Variants in AP1S3 observed in about 807,000 individuals in gnomAD.
AP1S3 encodes the protein adaptor related protein complex 1 subunit sigma 3.
AP1S3 carries 10 observed loss-of-function variants against 20.9 expected under a neutral mutation model. The observed-to-expected ratio is 0.48, with a 90% CI of 0.29 to 0.81. The LOEUF is 0.81. Among genes scored for constraint, AP1S3 ranks in the 30% least tolerant of loss-of-function variants. The pLI, the probability that AP1S3 is intolerant of heterozygous loss-of-function variation, is 0.08. For synonymous variants in AP1S3, 41 were observed against 61.5 expected, an observed-to-expected ratio of 0.67 and a Z score of 1.56; for missense variants, 154 against 183.8, an observed-to-expected ratio of 0.84 and a Z score of 0.94.
intron 3 of AP1S3, among the ~76,000 whole-genome samples, chr2:223,771,844 C>T (rs1052665726): frequency 1.1e-4 from 16 of 152,216 alleles, no homozygotes; most frequent in Non-Finnish European, 2.9e-5. Context: ...CAGTGGCTCA[C>T]GCCTGTAATC....
At chr2:223,765,119 A>G in intron 4 of AP1S3, 94 bp downstream of exon 4, 1 of 1,513,490 alleles carries the variant, frequency 6.6e-7, no homozygotes, top group African/African-American at 1.5e-5. Context: ...AGCACAGAGT[A>G]AGTACTCAGT....
chr2:223,765,725 T>G (rs549233483), intron 3 of AP1S3, among the ~76,000 whole-genome samples: 37 of 152,304 alleles, frequency 2.4e-4, no homozygotes, highest in Admixed American at 5.9e-4. Flanking sequence ...AATCTTGGCT[T>G]CTAGCTTTAG....
chr2:223,836,481 T>C (rs1692396570), intron 1 of AP1S3, among the ~76,000 whole-genome samples: 1 of 152,164 alleles, frequency 6.6e-6, no homozygotes, highest in Admixed American at 6.5e-5. Flanking sequence ...GGCTCACCCC[T>C]GTAATCCCTA....
At position 223,756,110 on chromosome 2, in the gene AP1S3, G is replaced by T; in HGVS notation, c.*2605C>A. The T allele has an allele frequency of 1.1e-6, 1 of 924,004 alleles. No homozygotes were observed. The highest frequency in any genetic ancestry group is 1.3e-6 in the Non-Finnish European group (1 of 774,010). 57.2% of individuals were successfully genotyped at this position (924,004 alleles called of 1,614,324 possible). ...TTCCAGCACTTTGGAAGGCCAAGGCGGGCGGATCACCTGAGGTCGGCGTTC... is the reference window on the plus strand; with the variant it reads ...TTCCAGCACTTTGGAAGGCCAAGGCTGGCGGATCACCTGAGGTCGGCGTTC... On this transcript the variant is annotated 3_prime_UTR_variant, in exon 5 of 5. Coordinates refer to ENST00000396654, the MANE Select transcript of AP1S3 (RefSeq NM_001039569.2).
rs185803575 is a variant in AP1S3 at position 223,774,361 on chromosome 2, G to A, written c.291+1540C>T. Among the ~76,000 whole-genome samples, 837 of 146,296 alleles carry A rather than the reference G, an allele frequency of 5.7e-3. 10 individuals are homozygous for A. The highest frequency in any genetic ancestry group is 0.019 in the African/African-American group (738 of 39,758). On this transcript the variant is annotated intron_variant, in intron 3 of 4. Coordinates refer to ENST00000396654, the MANE Select transcript of AP1S3 (RefSeq NM_001039569.2). ...GCCTGGGCAACAAGAACAAAACTCC[G>A]TCTCAATAAATAATAAATAAATAAA... is the stretch of plus-strand genomic sequence containing the variant.
At chr2:223,763,364 T>G (rs530706250) in intron 4 of AP1S3, among the ~76,000 whole-genome samples, 78 of 152,306 alleles carry the variant, frequency 5.1e-4, no homozygotes, top group Non-Finnish European at 5.9e-4. Context: ...TTGAGAGGAT[T>G]TCAAATTAAC....
chr2:223,774,052 G>C (rs1220733010), intron 3 of AP1S3, among the ~76,000 whole-genome samples: 1 of 152,118 alleles, frequency 6.6e-6, no homozygotes, highest in East Asian at 1.9e-4. Flanking sequence ...TGTTGCTGGA[G>C]AACTGTCAGG....
chr2:223,788,269 C>G (rs993952111), intron 1 of AP1S3, among the ~76,000 whole-genome samples: 3 of 150,518 alleles, frequency 2.0e-5, no homozygotes, highest in Non-Finnish European at 4.4e-5. Context: ...TTCTTATATA[C>G]TTAAGGCTTA....
chr2:223,781,759 G>A (rs1007918595), intron 1 of AP1S3, among the ~76,000 whole-genome samples: 12 of 151,960 alleles, frequency 7.9e-5, no homozygotes, highest in Admixed American at 2.0e-4. Context: ...GCATCATCAC[G>A]GTGCGTAAGA....
At chr2:223,819,726 G>C (rs1338933684) in intron 1 of AP1S3, among the ~76,000 whole-genome samples, 1 of 151,926 alleles carries the variant, frequency 6.6e-6, no homozygotes, top group East Asian at 1.9e-4. Flanking sequence ...CCATAGTCAA[G>C]ATTATAGTAC....
intron 1 of AP1S3, among the ~76,000 whole-genome samples, chr2:223,807,838 T>C (rs558036065): frequency 6.7e-6 from 1 of 149,532 alleles, no homozygotes; most frequent in East Asian, 2.0e-4. Flanking sequence ...TTTTTTTTTA[T>C]GAATTACCTA....
chr2:223,774,145 G>A (rs376424573), intron 3 of AP1S3, among the ~76,000 whole-genome samples: 5 of 152,226 alleles, frequency 3.3e-5, no homozygotes, highest in African/African-American at 1.2e-4. Context: ...CAGGCGGATC[G>A]CCCGAGGTCA....
intron 4 of AP1S3, among the ~76,000 whole-genome samples, chr2:223,764,697 T>C (rs1450198734): frequency 6.6e-6 from 1 of 152,180 alleles, no homozygotes; most frequent in African/African-American, 2.4e-5. Context: ...TAATAAAGCT[T>C]TAATATCTCT....
rs1297285470 is a variant in AP1S3, at chr2:223,833,791, CTGTT to C, written c.3+3653_3+3656del. Among the ~76,000 whole-genome samples the C allele has an allele frequency of 2.0e-5, 3 of 152,352 alleles. No individual in the cohort carries two copies. In the East Asian group the frequency reaches 5.8e-4, roughly 29 times the overall value. On this transcript the variant is annotated intron_variant, in intron 1 of 4. Transcript: ENST00000396654. ...TTACTGAGCATTTACAATGGCAAAG[CTGTT>C]TGAAGCGCCTTCACACGCATTCACT...
rs370391844 is a variant in AP1S3 at position 223,793,841 on chromosome 2, A to G, written c.4-15972T>C. On this transcript the variant is annotated intron_variant, in intron 1 of 4. Transcript: ENST00000396654. ...GTTTGTTTTTGTTTTGAGACGGTTC[A>G]CCATGCTGGCCAGGCTCGTCTCGAA... Among the ~76,000 whole-genome samples the G allele has an allele frequency of 2.0e-5, 3 of 151,798 alleles. No homozygotes were observed. In the East Asian group the frequency reaches 5.8e-4, roughly 29 times the overall value.
At chr2:223,773,345 G>A in intron 3 of AP1S3, 1 of 1,303,978 alleles carries the variant, frequency 7.7e-7, no homozygotes, top group Non-Finnish European at 1.0e-6. Context: ...CTTGCAAAAG[G>A]CCAAGTCTGT....
At chr2:223,773,526 T>C (rs913795489) in intron 3 of AP1S3, among the ~76,000 whole-genome samples, 2 of 152,230 alleles carry the variant, frequency 1.3e-5, no homozygotes, top group Non-Finnish European at 2.9e-5. Context: ...AGTTGTCTTA[T>C]TGCTGTTATA....
intron 3 of AP1S3, chr2:223,773,346 C>T (rs1457960747): frequency 1.5e-6 from 2 of 1,303,748 alleles, no homozygotes; most frequent in Non-Finnish European, 2.0e-6. Flanking sequence ...TTGCAAAAGG[C>T]CAAGTCTGTA....
At chr2:223,829,998 T>C (rs1692222972) in intron 1 of AP1S3, among the ~76,000 whole-genome samples, 1 of 152,190 alleles carries the variant, frequency 6.6e-6, no homozygotes, top group Non-Finnish European at 1.5e-5. Context: ...GAAAGTTCAC[T>C]GTCCCCTGCT....
Sources: gnomAD v4.1 joint callset for allele counts (sites outside exome capture counted in the v4.1 genomes callset) on GRCh38, gnomAD v4.1.1 for gene constraint, MANE v1.5 for transcripts, NCBI Gene and HGNC (gene_info 2026-07-23, HGNC 2026-07-21) for gene names.